CAPRIN1: variants seen among roughly 807,000 people sequenced by gnomAD.
CAPRIN1 encodes the protein caprin-1.
Under a neutral mutation model 100.9 loss-of-function variants are expected in CAPRIN1, and 29 were observed. The observed-to-expected ratio is 0.29, with a 90% confidence interval of 0.21 to 0.39. The LOEUF (loss-of-function observed/expected upper bound fraction) is 0.39. CAPRIN1 is among the 10% of genes least tolerant of loss of function. The pLI is 1.00. For missense variants in CAPRIN1, 795 were observed against 876.7 expected, an observed-to-expected ratio of 0.91 and a Z score of 1.18; for synonymous variants, 338 against 307.5, an observed-to-expected ratio of 1.10 and a Z score of -1.04.
chr11:34,088,032 T>G (rs1851183983), intron 11 of CAPRIN1, among the ~76,000 whole-genome samples: 1 of 152,184 alleles, frequency 6.6e-6, no homozygotes, highest in Non-Finnish European at 1.5e-5. Context: ...GCAGTCTCGC[T>G]CTATCGCCAG....
intron 15 of CAPRIN1, among the ~76,000 whole-genome samples, chr11:34,093,833 A>G (rs1851310423): frequency 8.1e-6 from 1 of 122,812 alleles, no homozygotes; most frequent in African/African-American, 3.3e-5. Context: ...GGGTTTCACC[A>G]TATTGTCCAG....
chr11:34,072,547 A>G (rs755152510), intron 4 of CAPRIN1, among the ~76,000 whole-genome samples: 44 of 152,202 alleles, frequency 2.9e-4, no homozygotes, highest in Non-Finnish European at 1.6e-4. Flanking sequence ...AGGCTCGTTT[A>G]TATAATTGGT....
intron 7 of CAPRIN1, among the ~76,000 whole-genome samples, chr11:34,081,498 C>CTT (rs576042440): frequency 1.4e-5 from 2 of 143,792 alleles, no homozygotes; most frequent in East Asian, 2.0e-4. Context: ...TGTGCCCAGC[C>CTT]TTTTTTTTTT....
chr11:34,061,038 C>CA (rs1462167679), intron 2 of CAPRIN1, among the ~76,000 whole-genome samples: 1 of 152,142 alleles, frequency 6.6e-6, no homozygotes, highest in Admixed American at 6.6e-5. Context: ...TCAATTCACT[C>CA]AGACTTACCT....
At chr11:34,064,521 C>T (rs1031178581) in intron 2 of CAPRIN1, among the ~76,000 whole-genome samples, 8 of 152,180 alleles carry the variant, frequency 5.3e-5, no homozygotes, top group African/African-American at 1.9e-4. Flanking sequence ...TCATGGAAGG[C>T]CACTTAAGGA....
intron 15 of CAPRIN1, chr11:34,096,265 G>C: frequency 2.3e-6 from 1 of 440,766 alleles, no homozygotes; most frequent in South Asian, 3.6e-5. Flanking sequence ...GTTTGGAATT[G>C]TGGTTGGAGA....
chr11:34,092,731 A>G (rs1851286565), intron 15 of CAPRIN1, among the ~76,000 whole-genome samples: 1 of 152,222 alleles, frequency 6.6e-6, no homozygotes, highest in African/African-American at 2.4e-5. Flanking sequence ...TCAGTTAGAC[A>G]AAGTTAAGAA....
At chr11:34,083,145 T>G in intron 9 of CAPRIN1, 104 bp downstream of exon 9, 1 of 766,142 alleles carries the variant, frequency 1.3e-6, no homozygotes, top group South Asian at 1.6e-5. Context: ...ATTAGTACAT[T>G]TATTATAATA....
chr11:34,063,571 C>T (rs530588111), intron 2 of CAPRIN1, among the ~76,000 whole-genome samples: 11 of 152,310 alleles, frequency 7.2e-5, no homozygotes, highest in African/African-American at 2.4e-4. Context: ...CCACATGACT[C>T]TGACATCTAC....
At chr11:34,098,088 G>C (rs1246754973) in intron 18 of CAPRIN1, 2 of 1,030,582 alleles carry the variant, frequency 1.9e-6, no homozygotes, top group Non-Finnish European at 2.3e-6. Flanking sequence ...AAACATTTTT[G>C]TAAGACATTT....
chr11:34,075,571 A>G (rs529350334), intron 4 of CAPRIN1, among the ~76,000 whole-genome samples: 1 of 152,376 alleles, frequency 6.6e-6, no homozygotes, highest in South Asian at 2.1e-4. Context: ...GTAAGATGGA[A>G]TAACTTTCTG....
In CAPRIN1 at chr11:34,076,612, G is replaced by A; in HGVS notation, c.658G>A (p.Gly220Arg). 3.1e-6 allele frequency: 5 copies of A among 1,613,896 alleles called. No homozygotes were observed. The highest frequency in any genetic ancestry group is 1.1e-5 in the South Asian group (1 of 91,070). Residue 220 changes from glycine to arginine, a missense_variant, in exon 6 of 19, where the codon GGG becomes AGG. Gly to Arg is a moderately radical substitution (Grantham distance 125). Transcript: ENST00000341394. ...ASIHLWDLLE[G>R]KEKPVCGTTY... is the part of the protein sequence containing the mutation. ...CATTCACCTGTGGGACCTGCTGGAA[G>A]GGAAGGAAAAACCTGTATGTGGAAC... is the stretch of plus-strand genomic sequence containing the variant.
chr11:34,076,676 C>CTT (rs1196603011), intron 6 of CAPRIN1, 34 bp downstream of exon 6: 2 of 1,376,224 alleles, frequency 1.5e-6, no homozygotes, highest in African/African-American at 2.9e-5. Flanking sequence ...GATTTTATAA[C>CTT]TAGGAATCTT....
chr11:34,096,834 A>G (rs1439916573), intron 16 of CAPRIN1, among the ~76,000 whole-genome samples, 161 bp downstream of exon 16: 3 of 152,224 alleles, frequency 2.0e-5, no homozygotes. Context: ...TGTATTTGGT[A>G]TAATTTGTTA....
intron 15 of CAPRIN1, chr11:34,095,974 A>G (rs1851360889): frequency 6.6e-6 from 1 of 152,230 alleles, no homozygotes; most frequent in Non-Finnish European, 1.5e-5. Flanking sequence ...GTAGTTGATG[A>G]CATATTCTAC....
rs767419307 is a variant in CAPRIN1, at chr11:34,052,523, G to A, written c.103G>A (p.Ala35Thr). 6.2e-7 allele frequency: 1 copy of A among 1,602,558 alleles called. No individual in the cohort carries two copies. The highest frequency in any genetic ancestry group is 8.5e-7 in the Non-Finnish European group (1 of 1,175,328). The part of the protein sequence containing the change: ...GSEAAAGAGA[A>T]APASQHPATG... ...TGAGGCGGCCGCGGGAGCCGGGGCCGCCGCGCCGGCTTCTCAGCACCCCGC... is the reference window on the plus strand; with the variant it reads ...TGAGGCGGCCGCGGGAGCCGGGGCCACCGCGCCGGCTTCTCAGCACCCCGC... The change falls in exon 2 of 19, where the codon GCC (alanine) becomes ACC (threonine). Residue 35 changes from alanine to threonine, a missense_variant. Ala to Thr is a moderately conservative substitution (Grantham distance 58). Transcript: ENST00000341394.
intron 4 of CAPRIN1, among the ~76,000 whole-genome samples, chr11:34,073,159 A>G (rs1590730995): frequency 6.6e-6 from 1 of 152,236 alleles, no homozygotes; most frequent in African/African-American, 2.4e-5. Context: ...ATATGAGACA[A>G]TGCAGTGTAG....
At chr11:34,080,417 A>G (rs1851004794) in intron 7 of CAPRIN1, among the ~76,000 whole-genome samples, 3 of 152,138 alleles carry the variant, frequency 2.0e-5, no homozygotes, top group Admixed American at 6.6e-5. Context: ...TTTCTGTCTG[A>G]CATGCCCAGA....
chr11:34,082,792 C>A (rs1436274591), intron 7 of CAPRIN1, 33 bp from the exon 8 acceptor site: 12 of 1,578,612 alleles, frequency 7.6e-6, no homozygotes, highest in Non-Finnish European at 1.0e-5. Flanking sequence ...ACCTAAAAAT[C>A]CTTTTGTTTT....
Sources: allele counts gnomAD v4.1 joint callset (sites outside exome capture counted in the v4.1 genomes callset), GRCh38; gene constraint gnomAD v4.1.1; transcripts MANE v1.5; gene names NCBI Gene and HGNC (gene_info 2026-07-23, HGNC 2026-07-21).